The following MALRD1 variants were observed in gnomAD, a reference collection of about 807,000 sequenced individuals.
MALRD1 encodes MAM and LDL receptor class A domain containing 1, also known as MAM and LDL-receptor class A domain-containing protein 1.
In MALRD1, 247 loss-of-function variants were observed where a neutral mutation model predicts 242.1. That is an observed-to-expected ratio of 1.02 (90% CI 0.92 to 1.13). The LOEUF (loss-of-function observed/expected upper bound fraction) is 1.13. MALRD1 is among the 50% of genes most tolerant of loss of function. The probability of loss-of-function intolerance (pLI) is 0.00; values close to 1 mark genes in which losing one functional copy is unlikely to be tolerated. For synonymous variants in MALRD1, 995 were observed against 866.6 expected, an observed-to-expected ratio of 1.15 and a Z score of -2.60; for missense variants, 2,989 against 2,533.1, an observed-to-expected ratio of 1.18 and a Z score of -3.86.
chr10:19,221,960 A>G (rs1349947228), intron 18 of MALRD1, among the ~76,000 whole-genome samples: 2 of 152,172 alleles, frequency 1.3e-5, no homozygotes, highest in African/African-American at 2.4e-5. Context: ...TTAAATTACT[A>G]ATTTGCAAGA....
At chr10:19,057,067 A>AGTTTGCAAATATTTTGTTGAAAAT (rs1275927614) in intron 1 of MALRD1, among the ~76,000 whole-genome samples, 35 of 152,212 alleles carry the variant, frequency 2.3e-4, no homozygotes, top group African/African-American at 8.2e-4. Context: ...TGTTGAACTC[A>AGTTTGCAAATATTTTGTTGAAAAT]GTTTGCAAAT....
rs144264508 is a variant in MALRD1 at position 19,406,545 on chromosome 10, G to A, written c.4845+16936G>A. Among the ~76,000 whole-genome samples the A allele has an allele frequency of 7.0e-4, 106 of 152,164 alleles. 1 individual carries two copies. The highest frequency in any genetic ancestry group is 2.5e-3 in the African/African-American group (103 of 41,522). Reference sequence around the variant, plus strand: ...GCACAAGCTGTTATTGTTTGCCTCCGGTAACCTGGCTAAGGGTGTCTGTCA... The same window carrying A: ...GCACAAGCTGTTATTGTTTGCCTCCAGTAACCTGGCTAAGGGTGTCTGTCA... On this transcript the variant is annotated intron_variant, in intron 28 of 39. Transcript: ENST00000454679.
chr10:19,731,752 G>C (rs534125217), intron 39 of MALRD1, among the ~76,000 whole-genome samples: 4 of 152,138 alleles, frequency 2.6e-5, no homozygotes, highest in African/African-American at 4.8e-5. Context: ...CTTCCGAACT[G>C]TAAAAGTTTT....
intron 39 of MALRD1, among the ~76,000 whole-genome samples, chr10:19,731,175 A>G (rs1835280954): frequency 6.6e-6 from 1 of 152,190 alleles, no homozygotes; most frequent in African/African-American, 2.4e-5. Flanking sequence ...ATAGCATTCT[A>G]TGTTCTGTTT....
intron 28 of MALRD1, among the ~76,000 whole-genome samples, chr10:19,448,219 G>T (rs1835111007): frequency 6.6e-6 from 1 of 151,838 alleles, no homozygotes; most frequent in African/African-American, 2.4e-5. Context: ...TTTAAATTAT[G>T]TGTAAATTAC....
At chr10:19,682,639 G>A (rs1842419811) in intron 36 of MALRD1, among the ~76,000 whole-genome samples, 3 of 152,198 alleles carry the variant, frequency 2.0e-5, no homozygotes, top group Admixed American at 1.3e-4. Flanking sequence ...GCTACTCAAT[G>A]TGGAATTTTA....
chr10:19,056,492 C>G (rs1834672020), intron 1 of MALRD1, among the ~76,000 whole-genome samples: 1 of 151,544 alleles, frequency 6.6e-6, no homozygotes, highest in East Asian at 1.9e-4. Context: ...TGGATGGTTT[C>G]TTATTAGTAT....
chr10:19,193,842 AT>A (rs201490512), intron 14 of MALRD1, among the ~76,000 whole-genome samples: 2,338 of 61,888 alleles, frequency 0.038, 64 homozygotes, highest in African/African-American at 0.12. Flanking sequence ...GGGAAAAAAA[AT>A]ATATATATAT....
intron 38 of MALRD1, among the ~76,000 whole-genome samples, chr10:19,695,877 C>G (rs1316132594): frequency 6.6e-6 from 1 of 151,948 alleles, no homozygotes; most frequent in Non-Finnish European, 1.5e-5. Context: ...AGGGGAACTC[C>G]CCTTTATAAA....
intron 36 of MALRD1, among the ~76,000 whole-genome samples, chr10:19,656,234 T>C (rs1428534032): frequency 2.0e-5 from 3 of 152,134 alleles, no homozygotes; most frequent in African/African-American, 4.8e-5. Context: ...TTGAGGTGTT[T>C]AGAGACTCCA....
intron 25 of MALRD1, among the ~76,000 whole-genome samples, chr10:19,349,100 T>G (rs1195759041): frequency 6.6e-6 from 1 of 152,142 alleles, no homozygotes; most frequent in East Asian, 1.9e-4. Context: ...GAGCTGGGAT[T>G]ACAGGCGTGC....
intron 28 of MALRD1, among the ~76,000 whole-genome samples, chr10:19,423,790 T>G (rs1833801608): frequency 6.6e-6 from 1 of 152,196 alleles, no homozygotes; most frequent in Non-Finnish European, 1.5e-5. Flanking sequence ...AAGCACTTCC[T>G]TCTGCTGTTC....
chr10:19,238,579 A>T (rs528083591), intron 18 of MALRD1, among the ~76,000 whole-genome samples: 2 of 126,248 alleles, frequency 1.6e-5, no homozygotes, highest in Non-Finnish European at 3.2e-5. Context: ...TACATAATGT[A>T]TATTATATAT....
At chr10:19,088,268 C>A in intron 4 of MALRD1, 83 bp downstream of exon 4, 1 of 1,157,118 alleles carries the variant, frequency 8.6e-7, no homozygotes, top group Non-Finnish European at 1.1e-6. Context: ...AAAAGTAAGG[C>A]AACTGTCCCA....
rs374035002 is a variant in MALRD1 at position 19,555,063 on chromosome 10, C to T, written c.5479-12439C>T. ...AGCCTCTCCAGCATCTGTTGTTTCT[C>T]GACATTTTAATAATCGCCATTCTGA... On this transcript the variant is annotated intron_variant, in intron 32 of 39. Transcript: ENST00000454679. Among the ~76,000 whole-genome samples the T allele has an allele frequency of 1.0e-3, 158 of 152,060 alleles. 1 individual carries two copies. Among genetic ancestry groups the T allele is most frequent in the African/African-American group, 3.4e-3 (139 of 41,470 alleles).
intron 23 of MALRD1, among the ~76,000 whole-genome samples, chr10:19,330,759 G>A (rs1252657407): frequency 2.0e-5 from 3 of 151,868 alleles, no homozygotes; most frequent in Non-Finnish European, 4.4e-5. Flanking sequence ...ACACACGTGG[G>A]AAATCATTGT....
chr10:19,062,914 G>A (rs762566904), intron 1 of MALRD1, among the ~76,000 whole-genome samples: 2 of 152,126 alleles, frequency 1.3e-5, no homozygotes, highest in Non-Finnish European at 2.9e-5. Context: ...GGGAGGCCGA[G>A]GCTGGTGGAA....
At chr10:19,670,342 C>G (rs1216635926) in intron 36 of MALRD1, among the ~76,000 whole-genome samples, 1 of 152,160 alleles carries the variant, frequency 6.6e-6, no homozygotes. Context: ...CCAGCCTTCA[C>G]CTGTTGTGGT....
At chr10:19,241,866 A>T (rs1412768025) in intron 18 of MALRD1, among the ~76,000 whole-genome samples, 1 of 152,112 alleles carries the variant, frequency 6.6e-6, no homozygotes, top group Non-Finnish European at 1.5e-5. Flanking sequence ...TAAAATTTCC[A>T]AGGGCTTTCC....
Sources: gnomAD v4.1 joint callset for allele counts (sites outside exome capture counted in the v4.1 genomes callset) on GRCh38, gnomAD v4.1.1 for gene constraint, MANE v1.5 for transcripts, NCBI Gene and HGNC (gene_info 2026-07-23, HGNC 2026-07-21) for gene names.